Variants in PHF24 observed in about 807,000 individuals in gnomAD.
PHF24 encodes the protein PHD finger protein 24, also known as Galpha inhibitory interacting protein.
PHF24 carries 25 observed loss-of-function variants against 42.6 expected under a neutral mutation model. The observed-to-expected ratio is 0.59, with a 90% CI of 0.43 to 0.82. The LOEUF (loss-of-function observed/expected upper bound fraction) is 0.82. Among genes scored for constraint, PHF24 ranks in the 40% least tolerant of loss-of-function variants. The pLI, the probability that PHF24 is intolerant of heterozygous loss-of-function variation, is 0.00. For synonymous variants in PHF24, 185 were observed against 204.8 expected (o/e 0.90, Z 0.83); for missense variants, 470 against 538.1 (o/e 0.87, Z 1.25).
At chr9:34,772,202 C>T in the PHF24 span, among the ~76,000 whole-genome samples, 1 of 152,252 alleles carries the variant, frequency 6.6e-6, no homozygotes, top group African/African-American at 2.4e-5. Context: ...TCAACAACGC[C>T]TAAGAGCCTT....
the PHF24 span, among the ~76,000 whole-genome samples, chr9:34,699,809 G>A: frequency 6.6e-6 from 1 of 152,254 alleles, no homozygotes; most frequent in Non-Finnish European, 1.5e-5. Context: ...ACAGATACGC[G>A]TTCCTGCTCT....
the PHF24 span, among the ~76,000 whole-genome samples, chr9:34,747,643 A>G: frequency 6.6e-6 from 1 of 152,218 alleles, no homozygotes; most frequent in Non-Finnish European, 1.5e-5. Flanking sequence ...AAAAATTGAC[A>G]ATGCCAAGAG....
the PHF24 span, among the ~76,000 whole-genome samples, chr9:34,668,412 C>T: frequency 6.6e-6 from 1 of 152,164 alleles, no homozygotes; most frequent in Non-Finnish European, 1.5e-5. Context: ...GGCATACCCA[C>T]ACCACACAGG....
the PHF24 span, among the ~76,000 whole-genome samples, chr9:34,803,476 C>G: frequency 7.3e-5 from 11 of 151,652 alleles, no homozygotes; most frequent in Non-Finnish European, 1.5e-4. Context: ...AAGGTTAGGT[C>G]AGAGAAAAGC....
chr9:34,980,262 G>A (rs1162820134), exon 8 of PHF24: 1 of 152,248 alleles, frequency 6.6e-6, no homozygotes, highest in East Asian at 1.9e-4. Context: ...GGTGAGTGAG[G>A]AGAGTTGGTG....
At chr9:34,935,558 C>T in the PHF24 span, among the ~76,000 whole-genome samples, 1 of 147,746 alleles carries the variant, frequency 6.8e-6, no homozygotes, top group Non-Finnish European at 1.5e-5. Flanking sequence ...TGTGCCACTG[C>T]ACTCCAGCCT....
At chr9:34,759,893 G>T in the PHF24 span, among the ~76,000 whole-genome samples, 2,850 of 152,260 alleles carry the variant, frequency 0.019, 45 homozygotes, top group African/African-American at 0.042. Context: ...TCTTTTTGCA[G>T]GGTAGGCCTT....
chr9:34,798,543 T>C, the PHF24 span, among the ~76,000 whole-genome samples: 2 of 152,302 alleles, frequency 1.3e-5, no homozygotes, highest in Admixed American at 1.3e-4. Context: ...AAGGACAAGA[T>C]TTTGTTCTTT....
intron 1 of PHF24, among the ~76,000 whole-genome samples, chr9:34,964,893 A>G (rs545897410): frequency 1.8e-4 from 28 of 152,156 alleles, no homozygotes; most frequent in African/African-American, 6.7e-4. Context: ...AGATACCACA[A>G]ATTCCCTGAC....
At chr9:34,816,157 C>T in the PHF24 span, among the ~76,000 whole-genome samples, 1 of 151,494 alleles carries the variant, frequency 6.6e-6, no homozygotes, top group East Asian at 1.9e-4. Flanking sequence ...ACTCATTTCT[C>T]CATCTTCCCA....
the PHF24 span, chr9:34,723,657 C>T: frequency 6.4e-7 from 1 of 1,551,660 alleles, no homozygotes; most frequent in East Asian, 2.4e-5. Flanking sequence ...ACTGGCATCA[C>T]CAGCCCATGC....
At chr9:34,936,218 G>C in the PHF24 span, among the ~76,000 whole-genome samples, 1 of 152,168 alleles carries the variant, frequency 6.6e-6, no homozygotes. Flanking sequence ...GCAGGCGCGC[G>C]CCGCCACGCC....
At chr9:34,780,298 CTTTTTTT>C in the PHF24 span, among the ~76,000 whole-genome samples, 1 of 63,896 alleles carries the variant, frequency 1.6e-5, no homozygotes, top group African/African-American at 4.9e-5. Flanking sequence ...TTCTTTTTTT[CTTTTTTT>C]TTTTTTTTTT....
At chr9:34,931,277 G>A in the PHF24 span, among the ~76,000 whole-genome samples, 2 of 151,284 alleles carry the variant, frequency 1.3e-5, no homozygotes, top group African/African-American at 4.9e-5. Context: ...TCGGGAGGCT[G>A]AGGCAGGAGA....
the PHF24 span, among the ~76,000 whole-genome samples, chr9:34,741,091 G>A: frequency 2.6e-5 from 4 of 151,900 alleles, no homozygotes; most frequent in Non-Finnish European, 5.9e-5. Context: ...TCACCATGTT[G>A]GCCAGGCTGG....
At chr9:34,745,631 A>T in the PHF24 span, among the ~76,000 whole-genome samples, 1 of 148,982 alleles carries the variant, frequency 6.7e-6, no homozygotes, top group Non-Finnish European at 1.5e-5. Context: ...AGCATTATTT[A>T]TTATGGGGGG....
At chr9:34,837,698 C>T in the PHF24 span, 113 of 1,510,238 alleles carry the variant, frequency 7.5e-5, no homozygotes, top group African/African-American at 8.3e-4. Context: ...TTTTTGGTGA[C>T]GCTTAAAAGA....
At chr9:34,893,130 CT>C in the PHF24 span, 1 of 777,552 alleles carries the variant, frequency 1.3e-6, no homozygotes, top group Non-Finnish European at 1.9e-6. Context: ...CGCACACTTC[CT>C]TCCTGAGGAA....
At chr9:34,913,100 A>T in the PHF24 span, among the ~76,000 whole-genome samples, 1 of 152,144 alleles carries the variant, frequency 6.6e-6, no homozygotes, top group Non-Finnish European at 1.5e-5. Context: ...TGACCAATCC[A>T]CGAACTTGAA....
Sources: allele counts gnomAD v4.1 joint callset (sites outside exome capture counted in the v4.1 genomes callset), GRCh38; gene constraint gnomAD v4.1.1; transcripts MANE v1.5; gene names NCBI Gene and HGNC (gene_info 2026-07-23, HGNC 2026-07-21).